Variants in CD96 observed in about 807,000 individuals in gnomAD.
CD96 encodes CD96 molecule, also known as T-cell surface protein tactile.
CD96 carries 70 observed loss-of-function variants against 71.3 expected under a neutral mutation model. The ratio of observed to expected loss-of-function variants is 0.98; its 90% CI spans 0.81 to 1.20. The LOEUF is 1.20. Ranked by LOEUF, CD96 falls within the 50% of genes most tolerant of loss-of-function variation. The pLI, the probability that CD96 is intolerant of heterozygous loss-of-function variation, is 0.00. For synonymous variants in CD96, 248 were observed against 233.0 expected (o/e 1.06, Z -0.59); for missense variants, 742 against 677.5 (o/e 1.10, Z -1.06).
chr3:111,645,873 T>G (rs760242967), intron 12 of CD96, among the ~76,000 whole-genome samples: 3 of 152,140 alleles, frequency 2.0e-5, no homozygotes, highest in Non-Finnish European at 2.9e-5. Context: ...TCTTCAACAC[T>G]TCTAACCAAT....
In CD96 at chr3:111,624,353, A is replaced by G. The variant is rs763167680; in HGVS notation, c.1270A>G (p.Thr424Ala). 1 of 1,611,276 alleles carries G rather than the reference A, an allele frequency of 6.2e-7. No homozygotes were observed. Among genetic ancestry groups the G allele is most frequent in the South Asian group, 1.1e-5 (1 of 91,032 alleles). ...TTCAGCCAGCAATTCCAGTATGACT[A>G]CCCGAGGCTTCAACTATCCCTGGAC... Reference protein sequence around the residue: ...TPQPSNSSMTTRGFNYPWTSS... With the variant: ...TPQPSNSSMTARGFNYPWTSS... The change falls in exon 10 of 14, where the codon ACC becomes GCC. Residue 424 changes from threonine to alanine, a missense_variant. Thr to Ala is a moderately conservative substitution (Grantham distance 58). Transcript: ENST00000352690.
At chr3:111,664,400 T>C (rs1165852045) in intron 14 of CD96, among the ~76,000 whole-genome samples, 3 of 151,966 alleles carry the variant, frequency 2.0e-5, no homozygotes, top group East Asian at 1.9e-4. Flanking sequence ...AGTGAAGTAA[T>C]GCAGGAACAG....
At chr3:111,576,090 G>C (rs552686590) in intron 3 of CD96, among the ~76,000 whole-genome samples, 1 of 152,196 alleles carries the variant, frequency 6.6e-6, no homozygotes, top group Non-Finnish European at 1.5e-5. Flanking sequence ...GTCAGGACTA[G>C]AGTAAGTATA....
At chr3:111,624,173 C>G (rs1938635535) in intron 9 of CD96, among the ~76,000 whole-genome samples, 160 bp from the exon 10 acceptor site, 2 of 152,190 alleles carry the variant, frequency 1.3e-5, no homozygotes, top group African/African-American at 2.4e-5. Context: ...AACTACAGAG[C>G]TTTTGCTTAA....
chr3:111,563,387 A>C (rs1469340899), intron 2 of CD96, among the ~76,000 whole-genome samples: 1 of 152,222 alleles, frequency 6.6e-6, no homozygotes, highest in Admixed American at 6.5e-5. Context: ...GTGGAAAAAA[A>C]GCTGCTGGTT....
chr3:111,607,106 A>G (rs1190890709), intron 8 of CD96: 4 of 362,174 alleles, frequency 1.1e-5, no homozygotes, highest in Non-Finnish European at 2.1e-5. Flanking sequence ...CATGGCTTCA[A>G]AGAGTTAACA....
At chr3:111,585,545 G>A (rs551494489) in intron 5 of CD96, among the ~76,000 whole-genome samples, 167 bp downstream of exon 5, 26 of 152,214 alleles carry the variant, frequency 1.7e-4, no homozygotes, top group Non-Finnish European at 3.1e-4. Context: ...AAGTGAATGG[G>A]AATTTTTACT....
Position 111,579,178 on chromosome 3 carries a change from A to C in CD96, c.695A>C (p.His232Pro). 1 of 1,612,000 alleles carries C rather than the reference A, an allele frequency of 6.2e-7. No individual in the cohort carries two copies. The highest frequency in any genetic ancestry group is 8.5e-7 in the Non-Finnish European group (1 of 1,177,988). The change falls in exon 4 of 14, where the codon CAC (histidine) becomes CCC (proline). Residue 232 changes from histidine to proline, a missense_variant. His to Pro is a moderately conservative substitution (Grantham distance 77). Transcript: ENST00000352690. ...GATGATGGGCGGAAGTTCTCTTGCCACATTAGAGTCGGTCCTAACAAAATC... is the reference window on the plus strand; with the variant it reads ...GATGATGGGCGGAAGTTCTCTTGCCCCATTAGAGTCGGTCCTAACAAAATC... ...IFDDGRKFSC[H>P]IRVGPNKILR...
At chr3:111,551,005 A>G (rs1261068007) in intron 2 of CD96, among the ~76,000 whole-genome samples, 1 of 152,188 alleles carries the variant, frequency 6.6e-6, no homozygotes, top group African/African-American at 2.4e-5. Context: ...GGTATAAGCA[A>G]AAATATTATT....
intron 6 of CD96, among the ~76,000 whole-genome samples, chr3:111,599,835 G>T (rs1318784245): frequency 6.6e-6 from 1 of 152,228 alleles, no homozygotes; most frequent in East Asian, 1.9e-4. Flanking sequence ...AATTGCACTG[G>T]CACACAACTG....
rs1392917222 is a variant in CD96, at chr3:111,624,328, T to G, written c.1250-5T>G. ...CTGGATTCTGAAAATAATTTTGTCT[T>G]TCAGCCAGCAATTCCAGTATGACTA... is the stretch of plus-strand genomic sequence containing the variant. On this transcript the variant is annotated splice_region_variant and splice_polypyrimidine_tract_variant and intron_variant, in intron 9 of 13. Coordinates refer to ENST00000352690, the MANE Select transcript of CD96 (RefSeq NM_005816.5). 3.7e-6 allele frequency: 6 copies of G among 1,601,894 alleles called. No homozygotes were observed. The African/African-American group carries it at 8.0e-5, about 21-fold the overall frequency.
At chr3:111,568,720 T>C (rs1935837827) in intron 3 of CD96, among the ~76,000 whole-genome samples, 1 of 152,196 alleles carries the variant, frequency 6.6e-6, no homozygotes, top group Non-Finnish European at 1.5e-5. Flanking sequence ...AAATTGAGCT[T>C]TTTCTCATAA....
At chr3:111,655,714 C>G (rs560848283), downstream of CD96, among the ~76,000 whole-genome samples, 1 of 152,182 alleles carries the variant, frequency 6.6e-6, no homozygotes, top group South Asian at 2.1e-4. Flanking sequence ...TAGGAATAAT[C>G]TCCATAGCTG....
chr3:111,624,756 C>T (rs1243898321), intron 10 of CD96, among the ~76,000 whole-genome samples: 1 of 152,284 alleles, frequency 6.6e-6, no homozygotes, highest in Non-Finnish European at 1.5e-5. Context: ...AACCAGTCAA[C>T]CCGAAAGAGC....
In CD96 at chr3:111,648,581, A is replaced by T. The variant is rs1939940477; in HGVS notation, c.1601+915A>T. 4.6e-5 allele frequency among the ~76,000 whole-genome samples: 7 copies of T among 152,356 alleles called. No individual in the cohort carries two copies. In the South Asian group the frequency reaches 1.4e-3, roughly 32 times the overall value. On this transcript the variant is annotated intron_variant, in intron 13 of 13. Coordinates refer to ENST00000352690, the MANE Select transcript of CD96 (RefSeq NM_005816.5). ...GTTTCGTAGAATTACCTATTAATACATATGAAGTCTCCATTAAAGCATCTA... is the reference window on the plus strand; with the variant it reads ...GTTTCGTAGAATTACCTATTAATACTTATGAAGTCTCCATTAAAGCATCTA...
chr3:111,587,957 T>C (rs1395158363), intron 5 of CD96, among the ~76,000 whole-genome samples: 15 of 152,196 alleles, frequency 9.9e-5, no homozygotes, highest in Admixed American at 9.8e-4. Context: ...CCTCTGGGCC[T>C]CTGAAGGAGG....
intron 6 of CD96, among the ~76,000 whole-genome samples, chr3:111,598,831 C>G (rs1411116573): frequency 1.3e-5 from 2 of 152,178 alleles, no homozygotes; most frequent in African/African-American, 4.8e-5. Flanking sequence ...CCATGACAGC[C>G]TCTACCAGAA....
chr3:111,585,879 A>G (rs1296209439), intron 5 of CD96, among the ~76,000 whole-genome samples: 2 of 152,114 alleles, frequency 1.3e-5, no homozygotes, highest in African/African-American at 2.4e-5. Context: ...CAGGAGAAAA[A>G]AGAAAATTGA....
rs1937085319 is a variant in CD96, at chr3:111,593,369, C to T, written c.808-4751C>T. Reference sequence around the variant, plus strand: ...AGGGTCAGCAGAGCTCTAGGAACCTCGTAGATAAGCATTTGGTCAATTCAG... The same window carrying T: ...AGGGTCAGCAGAGCTCTAGGAACCTTGTAGATAAGCATTTGGTCAATTCAG... On this transcript the variant is annotated intron_variant, in intron 5 of 13. Coordinates refer to ENST00000352690, the MANE Select transcript of CD96 (RefSeq NM_005816.5). 16 of 685,632 alleles carry T rather than the reference C, an allele frequency of 2.3e-5. No homozygotes were observed. The South Asian group carries it at 6.6e-4, about 28-fold the overall frequency. 42.5% of individuals were successfully genotyped at this position (685,632 alleles called of 1,614,324 possible). A position where few individuals can be genotyped will look rare whatever the true frequency, so the allele number is the denominator to read the frequency against.
Sources: allele counts gnomAD v4.1 joint callset (sites outside exome capture counted in the v4.1 genomes callset), GRCh38; gene constraint gnomAD v4.1.1; transcripts MANE v1.5; gene names NCBI Gene and HGNC (gene_info 2026-07-23, HGNC 2026-07-21).